LRP1B: variants seen among roughly 807,000 people sequenced by gnomAD.
LRP1B encodes low-density lipoprotein receptor-related protein 1B.
In LRP1B, 217 loss-of-function variants were observed where a neutral mutation model predicts 556.6. That is an observed-to-expected ratio of 0.39 (90% CI 0.35 to 0.44). The LOEUF is 0.44. Ranked by LOEUF, LRP1B falls within the 20% of genes least tolerant of loss-of-function variation. The pLI is 1.00. For missense variants in LRP1B, 5,053 were observed against 5,620.8 expected, an observed-to-expected ratio of 0.90 and a Z score of 3.23; for synonymous variants, 2,047 against 1,865.8, an observed-to-expected ratio of 1.10 and a Z score of -2.50.
chr2:141,517,515 C>T (rs1396978029), intron 2 of LRP1B, among the ~76,000 whole-genome samples: 6 of 152,068 alleles, frequency 3.9e-5, no homozygotes, highest in Admixed American at 2.0e-4. Context: ...CAATACTGGA[C>T]CTGATTATAG....
intron 1 of LRP1B, among the ~76,000 whole-genome samples, chr2:141,832,338 C>CTT (rs1329878663): frequency 0.036 from 5,377 of 150,030 alleles, 314 homozygotes; most frequent in African/African-American, 0.12. Context: ...CACACACACA[C>CTT]ACACACACAC....
At chr2:141,325,115 G>T (rs1467821261) in intron 3 of LRP1B, among the ~76,000 whole-genome samples, 2 of 151,322 alleles carry the variant, frequency 1.3e-5, no homozygotes, top group Non-Finnish European at 3.0e-5. Context: ...TAGATAAAAT[G>T]TTAAAGGCTT....
At chr2:140,808,481 T>G (rs1690805182) in intron 32 of LRP1B, among the ~76,000 whole-genome samples, 1 of 152,222 alleles carries the variant, frequency 6.6e-6, no homozygotes, top group Non-Finnish European at 1.5e-5. Context: ...CAGAAGTCAC[T>G]GTCTTGGCAA....
chr2:140,561,001 ACCTCAGAAGCAG>A (rs1014886847), intron 43 of LRP1B, among the ~76,000 whole-genome samples: 49 of 152,142 alleles, frequency 3.2e-4, no homozygotes, highest in African/African-American at 8.7e-4. Context: ...CGAAGTGAAG[ACCTCAGAAGCAG>A]CCTCAGAAGC....
chr2:140,337,936 T>C (rs555343798), intron 77 of LRP1B, among the ~76,000 whole-genome samples: 125 of 151,868 alleles, frequency 8.2e-4, no homozygotes, highest in African/African-American at 2.9e-3. Flanking sequence ...CTAATGTTCA[T>C]AGAGCATTCA....
chr2:141,452,538 C>A (rs1026104713), intron 3 of LRP1B, among the ~76,000 whole-genome samples: 1 of 152,146 alleles, frequency 6.6e-6, no homozygotes, highest in Non-Finnish European at 1.5e-5. Flanking sequence ...TGTAGTATAT[C>A]TTTTCATTAG....
At chr2:141,498,839 G>A (rs1007528134) in intron 2 of LRP1B, among the ~76,000 whole-genome samples, 48 of 152,142 alleles carry the variant, frequency 3.2e-4, no homozygotes, top group African/African-American at 1.1e-3. Flanking sequence ...GAAATCTATT[G>A]TATGTGTTTC....
intron 66 of LRP1B, among the ~76,000 whole-genome samples, chr2:140,426,235 A>G (rs1685646633): frequency 6.6e-6 from 1 of 152,200 alleles, no homozygotes; most frequent in South Asian, 2.1e-4. Flanking sequence ...ACATATTCCC[A>G]ATATTAAGAA....
intron 11 of LRP1B, among the ~76,000 whole-genome samples, chr2:141,032,013 C>T (rs934145188): frequency 2.0e-5 from 3 of 151,906 alleles, no homozygotes; most frequent in African/African-American, 7.2e-5. Context: ...GAATGTATAT[C>T]ATGTTGTACA....
At chr2:140,409,174 A>G (rs1166575274) in intron 66 of LRP1B, among the ~76,000 whole-genome samples, 1 of 151,958 alleles carries the variant, frequency 6.6e-6, no homozygotes, top group African/African-American at 2.4e-5. Flanking sequence ...ATTGGCCTGT[A>G]TATTCTGGGT....
At chr2:140,771,983 C>T (rs1408776322) in intron 33 of LRP1B, among the ~76,000 whole-genome samples, 2 of 152,146 alleles carry the variant, frequency 1.3e-5, no homozygotes, top group East Asian at 1.9e-4. Flanking sequence ...ATTGTTCAAT[C>T]GAACCTGTCA....
At chr2:141,912,262 G>A (rs553355557) in intron 1 of LRP1B, among the ~76,000 whole-genome samples, 2 of 152,034 alleles carry the variant, frequency 1.3e-5, no homozygotes, top group East Asian at 3.9e-4. Flanking sequence ...GTGAAAGCTG[G>A]GACTTTTTAT....
At chr2:141,379,893 T>A (rs964349756) in intron 3 of LRP1B, among the ~76,000 whole-genome samples, 1 of 152,104 alleles carries the variant, frequency 6.6e-6, no homozygotes, top group African/African-American at 2.4e-5. Context: ...AGGATCCAAT[T>A]CTCAGCTTTT....
At chr2:140,581,028 G>C (rs1426845358) in intron 43 of LRP1B, among the ~76,000 whole-genome samples, 1 of 152,218 alleles carries the variant, frequency 6.6e-6, no homozygotes, top group East Asian at 1.9e-4. Flanking sequence ...AACTGCACTA[G>C]TTGTGTAATT....
intron 7 of LRP1B, among the ~76,000 whole-genome samples, chr2:141,115,709 C>T (rs1221218232): frequency 6.6e-6 from 1 of 151,592 alleles, no homozygotes; most frequent in Non-Finnish European, 1.5e-5. Context: ...GTCTCGATCT[C>T]CTGACCTCAT....
At chr2:140,345,861 C>CACACAT (rs1211105281) in intron 77 of LRP1B, among the ~76,000 whole-genome samples, 1 of 137,860 alleles carries the variant, frequency 7.3e-6, no homozygotes, top group African/African-American at 2.7e-5. Context: ...CACACACACA[C>CACACAT]ATATATATAT....
intron 1 of LRP1B, among the ~76,000 whole-genome samples, chr2:141,926,423 A>C (rs907237865): frequency 4.6e-5 from 7 of 152,182 alleles, no homozygotes; most frequent in African/African-American, 1.7e-4. Context: ...CAGCGCTTAG[A>C]AACTAAGTAG....
chr2:141,877,521 C>A (rs1280928033), intron 1 of LRP1B, among the ~76,000 whole-genome samples: 1 of 151,962 alleles, frequency 6.6e-6, no homozygotes, highest in Admixed American at 6.6e-5. Flanking sequence ...AGTTCTGAGA[C>A]TCAAAGCAAT....
At chr2:141,319,310 GT>G (rs1426104411) in intron 3 of LRP1B, among the ~76,000 whole-genome samples, 4 of 133,952 alleles carry the variant, frequency 3.0e-5, no homozygotes, top group Admixed American at 7.9e-5. Flanking sequence ...TTTTTTTGTT[GT>G]TTTTTTTTTT....
Sources: gnomAD v4.1 joint callset for allele counts (sites outside exome capture counted in the v4.1 genomes callset) on GRCh38, gnomAD v4.1.1 for gene constraint, MANE v1.5 for transcripts, NCBI Gene and HGNC (gene_info 2026-07-23, HGNC 2026-07-21) for gene names.